The following WDR70 variants were observed in gnomAD, a reference collection of about 807,000 sequenced individuals.
WDR70 encodes the protein WD repeat domain 70, also known as WD repeat-containing protein 70.
WDR70 carries 53 observed loss-of-function variants against 88.6 expected under a neutral mutation model. The observed-to-expected ratio is 0.60, with a 90% CI of 0.48 to 0.75. The LOEUF (loss-of-function observed/expected upper bound fraction) is 0.75. Ranked by LOEUF, WDR70 falls within the 30% of genes least tolerant of loss-of-function variation. The pLI is 0.00. For missense variants in WDR70, 610 were observed against 823.2 expected, an observed-to-expected ratio of 0.74 and a Z score of 3.17; for synonymous variants, 280 against 270.0, an observed-to-expected ratio of 1.04 and a Z score of -0.36.
chr5:37,708,384 C>T (rs976700436), intron 13 of WDR70, among the ~76,000 whole-genome samples: 3 of 151,420 alleles, frequency 2.0e-5, no homozygotes, highest in African/African-American at 7.3e-5. Flanking sequence ...ATTGAAAAGG[C>T]CTGGTGTGGT....
At chr5:37,588,210 A>T (rs908702288) in intron 9 of WDR70, among the ~76,000 whole-genome samples, 7 of 152,180 alleles carry the variant, frequency 4.6e-5, no homozygotes, top group Non-Finnish European at 1.0e-4. Flanking sequence ...GCTAGATATT[A>T]AGAAAAGAAA....
intron 5 of WDR70, among the ~76,000 whole-genome samples, chr5:37,413,269 A>G (rs1175289709): frequency 6.6e-6 from 1 of 152,222 alleles, no homozygotes; most frequent in Non-Finnish European, 1.5e-5. Context: ...TGGAAGGAAA[A>G]AAAAGAATCT....
intron 8 of WDR70, among the ~76,000 whole-genome samples, chr5:37,515,007 C>A (rs371554790): frequency 1.6e-3 from 242 of 149,022 alleles, no homozygotes; most frequent in African/African-American, 5.8e-3. Context: ...CTGAGTGAGA[C>A]CCCTGTCTCA....
At chr5:37,577,897 G>A (rs1162237920) in intron 9 of WDR70, among the ~76,000 whole-genome samples, 1 of 152,192 alleles carries the variant, frequency 6.6e-6, no homozygotes, top group Admixed American at 6.5e-5. Context: ...GTAAAACTTA[G>A]ACCTGAGAGA....
chr5:37,586,159 C>T (rs188368686), intron 9 of WDR70, among the ~76,000 whole-genome samples: 56 of 152,282 alleles, frequency 3.7e-4, no homozygotes, highest in African/African-American at 1.3e-3. Context: ...TCCTCTTTGT[C>T]TTGGCCAGGT....
rs1434050488 is a variant in WDR70, at chr5:37,379,379, T to A, written c.12T>A (p.Ser4=). ...GTGTGCGGCCAGCCATGGAGCGCTC[T>A]GGGCCCAGCGAAGGTGGGTTTCATG... is the stretch of plus-strand genomic sequence containing the variant. MER[S]GPSEVTGSDA... Residue 4 remains serine (S), a synonymous_variant, in exon 1 of 18, where the codon TCT becomes TCA. Coordinates refer to ENST00000265107, the MANE Select transcript of WDR70 (RefSeq NM_018034.4). 1 of 1,613,494 alleles carries A rather than the reference T, an allele frequency of 6.2e-7. No individual in the cohort carries two copies. Among genetic ancestry groups the A allele is most frequent in the Non-Finnish European group, 8.5e-7 (1 of 1,179,808 alleles).
chr5:37,658,718 A>G (rs1745622663), intron 10 of WDR70, among the ~76,000 whole-genome samples: 1 of 152,106 alleles, frequency 6.6e-6, no homozygotes, highest in Non-Finnish European at 1.5e-5. Flanking sequence ...AGGTGCTCCA[A>G]CCGTTAAGAG....
chr5:37,596,235 A>T (rs1363605625), intron 9 of WDR70, among the ~76,000 whole-genome samples: 1 of 152,132 alleles, frequency 6.6e-6, no homozygotes, highest in African/African-American at 2.4e-5. Flanking sequence ...AATAATAGAG[A>T]GGCACTTTGT....
At chr5:37,506,355 A>T (rs575893287) in intron 8 of WDR70, 1 of 859,308 alleles carries the variant, frequency 1.2e-6, no homozygotes, top group East Asian at 2.4e-5. Context: ...TTCTTCTAAC[A>T]CACCCAATAA....
rs750174760 is a variant in WDR70 at position 37,516,570 on chromosome 5, T to C, written c.897T>C (p.Phe299=). The change falls in exon 9 of 18, where the codon TTT becomes TTC. Residue 299 remains phenylalanine (F), a synonymous_variant. Coordinates refer to ENST00000265107, the MANE Select transcript of WDR70 (RefSeq NM_018034.4). The part of the protein sequence containing the change: ...GSWHPKIKGE[F]MTCSNDATVR... ...GGCATCCCAAAATAAAGGGAGAATT[T>C]ATGACTTGCTCAAATGATGCGTGAG... 1 of 1,607,654 alleles carries C rather than the reference T, an allele frequency of 6.2e-7. No individual in the cohort carries two copies. Among genetic ancestry groups the C allele is most frequent in the South Asian group, 1.1e-5 (1 of 90,318 alleles).
intron 14 of WDR70, 98 bp from the exon 15 acceptor site, chr5:37,722,757 G>GCA: frequency 9.2e-7 from 1 of 1,087,146 alleles, no homozygotes; most frequent in South Asian, 1.4e-5. Flanking sequence ...TGGAGTGCAT[G>GCA]CACAGAGTAT....
chr5:37,540,973 G>A (rs530660242), intron 9 of WDR70, among the ~76,000 whole-genome samples: 61 of 152,274 alleles, frequency 4.0e-4, no homozygotes, highest in Admixed American at 1.1e-3. Context: ...GCATTCAAAT[G>A]CTTTCCCCAT....
intron 8 of WDR70, among the ~76,000 whole-genome samples, chr5:37,497,803 T>C (rs753884597): frequency 6.6e-6 from 1 of 152,064 alleles, no homozygotes; most frequent in Non-Finnish European, 1.5e-5. Context: ...CACAGATTTT[T>C]TTTTGTTTTG....
intron 7 of WDR70, among the ~76,000 whole-genome samples, chr5:37,467,441 C>T (rs1387381605): frequency 6.6e-6 from 1 of 151,714 alleles, no homozygotes; most frequent in Non-Finnish European, 1.5e-5. Flanking sequence ...ACCATAGGGG[C>T]TCTATTCTCA....
At chr5:37,650,199 C>T (rs1745361181) in intron 10 of WDR70, among the ~76,000 whole-genome samples, 1 of 150,400 alleles carries the variant, frequency 6.6e-6, no homozygotes, top group Non-Finnish European at 1.5e-5. Flanking sequence ...AGATTGAGAC[C>T]ATCCTGGCTA....
intron 9 of WDR70, among the ~76,000 whole-genome samples, chr5:37,533,038 G>A (rs189866688): frequency 7.6e-4 from 116 of 152,312 alleles, no homozygotes; most frequent in Middle Eastern, 3.4e-3. Context: ...GTTCTTCTGA[G>A]TCTAGCCGTC....
At position 37,611,526 on chromosome 5, in the gene WDR70, G is replaced by T. The variant is rs1178325638; in HGVS notation, c.1092+6288G>T. Among the ~76,000 whole-genome samples the T allele has an allele frequency of 2.0e-5, 3 of 151,658 alleles. 1 individual carries two copies. The highest frequency in any genetic ancestry group is 1.3e-4 in the Admixed American group (2 of 15,252). ...CCCTAAATTGAGTGTTAAGCTGTTGGTATTCAAGATTTTGGAGATTTTTTT... is the reference window on the plus strand; with the variant it reads ...CCCTAAATTGAGTGTTAAGCTGTTGTTATTCAAGATTTTGGAGATTTTTTT... On this transcript the variant is annotated intron_variant, in intron 10 of 17. Coordinates refer to ENST00000265107, the MANE Select transcript of WDR70 (RefSeq NM_018034.4).
At chr5:37,712,242 C>T (rs373991774) in intron 13 of WDR70, among the ~76,000 whole-genome samples, 6 of 152,136 alleles carry the variant, frequency 3.9e-5, no homozygotes, top group African/African-American at 7.2e-5. Context: ...CCACCCGCCT[C>T]GGCCTCCCAA....
intron 8 of WDR70, 110 bp from the exon 9 acceptor site, chr5:37,516,402 CTT>C: frequency 1.8e-6 from 1 of 550,376 alleles, no homozygotes; most frequent in Non-Finnish European, 3.2e-6. Flanking sequence ...AAATGGTGCC[CTT>C]TTGGGGGAAC....
Sources: allele counts gnomAD v4.1 joint callset (sites outside exome capture counted in the v4.1 genomes callset), GRCh38; gene constraint gnomAD v4.1.1; transcripts MANE v1.5; gene names NCBI Gene and HGNC (gene_info 2026-07-23, HGNC 2026-07-21).